The following ANO3 variants were observed in gnomAD, a reference collection of about 807,000 sequenced individuals.
ANO3 encodes anoctamin 3, also known as anoctamin-3.
ANO3 carries 99 observed loss-of-function variants against 144.8 expected under a neutral mutation model. The ratio of observed to expected loss-of-function variants is 0.68; its 90% CI spans 0.58 to 0.81. The LOEUF (loss-of-function observed/expected upper bound fraction) is 0.81. ANO3 is among the 30% of genes least tolerant of loss of function. ANO3 has a pLI of 0.00. For missense variants in ANO3, 905 were observed against 1,202.2 expected (o/e 0.75, Z 3.66); for synonymous variants, 414 against 392.6 (o/e 1.05, Z -0.64).
chr11:26,338,384 A>C (rs1855250093), intron 1 of ANO3, among the ~76,000 whole-genome samples: 1 of 152,190 alleles, frequency 6.6e-6, no homozygotes, highest in Non-Finnish European at 1.5e-5. Flanking sequence ...CTAAAGGATT[A>C]TAAACGCAGC....
At chr11:26,257,225 A>G (rs1853080325) in intron 1 of ANO3, among the ~76,000 whole-genome samples, 1 of 152,016 alleles carries the variant, frequency 6.6e-6, no homozygotes, top group Non-Finnish European at 1.5e-5. Flanking sequence ...TACACACAAA[A>G]ATCTATTTTT....
At position 26,266,956 on chromosome 11, in the gene ANO3, G is replaced by A. The variant is rs1429500158; in HGVS notation, c.155-42689G>A. The stretch of plus-strand genomic sequence containing the variant: ...GAAAAAAAAAAATTAGCCAGGCGTG[G>A]TGGTGGGCACCTGTAGTCCCAGCTA... On this transcript the variant is annotated intron_variant, in intron 1 of 27. Transcript: ENST00000672621. Among the ~76,000 whole-genome samples, 3 of 151,348 alleles carry A rather than the reference G, an allele frequency of 2.0e-5. 1 individual carries two copies. The highest frequency in any genetic ancestry group is 2.1e-4 in the South Asian group (1 of 4,784).
chr11:26,486,631 A>G (rs552856696), intron 4 of ANO3, among the ~76,000 whole-genome samples: 3 of 152,350 alleles, frequency 2.0e-5, no homozygotes, highest in African/African-American at 7.2e-5. Context: ...ACTGCCTTCA[A>G]GGGATTTCTT....
intron 12 of ANO3, among the ~76,000 whole-genome samples, 197 bp downstream of exon 12, chr11:26,547,747 G>A (rs929168650): frequency 6.6e-6 from 1 of 151,446 alleles, no homozygotes; most frequent in Admixed American, 6.6e-5. Flanking sequence ...ACTTTTATTT[G>A]CAAACTATCT....
chr11:26,495,956 C>T (rs573119922), intron 4 of ANO3, among the ~76,000 whole-genome samples: 58 of 152,292 alleles, frequency 3.8e-4, no homozygotes, highest in African/African-American at 1.3e-3. Flanking sequence ...GATGATGATA[C>T]TAAGCAGTTA....
In ANO3 at chr11:26,312,216, T is replaced by C. The variant is rs552972618; in HGVS notation, c.-3+2497T>C. 1.4e-3 allele frequency among the ~76,000 whole-genome samples: 216 copies of C among 152,360 alleles called. 1 individual carries two copies. The highest frequency in any genetic ancestry group is 5.0e-3 in the African/African-American group (206 of 41,588). On this transcript the variant is annotated intron_variant, in intron 1 of 26. Coordinates refer to the ANO3 transcript ENST00000525139. ...TGCATAGTATTCCATGGTGTATATG[T>C]GCCACATTTTCTTAATCCAGTCTAT... is the stretch of plus-strand genomic sequence containing the variant.
chr11:26,416,248 A>T (rs1857582976), intron 1 of ANO3, among the ~76,000 whole-genome samples: 1 of 152,088 alleles, frequency 6.6e-6, no homozygotes, highest in Non-Finnish European at 1.5e-5. Context: ...ATGGACAAAT[A>T]ATGCTAGCAT....
intron 3 of ANO3, among the ~76,000 whole-genome samples, chr11:26,452,566 A>T (rs891628904): frequency 6.6e-6 from 1 of 152,222 alleles, no homozygotes; most frequent in African/African-American, 2.4e-5. Flanking sequence ...GCCTCCAAGA[A>T]ATATGGGACT....
rs188096123 is a variant in ANO3 at position 26,516,538 on chromosome 11, C to T, written c.592-289C>T. 2.8e-4 allele frequency among the ~76,000 whole-genome samples: 42 copies of T among 151,982 alleles called. No individual in the cohort carries two copies. The East Asian group carries it at 8.1e-3, about 29-fold the overall frequency. On this transcript the variant is annotated intron_variant, in intron 5 of 26. Coordinates refer to ENST00000256737, the MANE Select transcript of ANO3 (RefSeq NM_031418.4). ...AAAATAACTTCAGATTTTTAATTGG[C>T]TCATGATTGATTGTTCTGATTGGGG...
At chr11:26,290,002 T>C (rs1853918348) in intron 1 of ANO3, among the ~76,000 whole-genome samples, 1 of 152,076 alleles carries the variant, frequency 6.6e-6, no homozygotes, top group Non-Finnish European at 1.5e-5. Context: ...CTCCTGTTTG[T>C]ACCTCTGGTA....
intron 1 of ANO3, 59 bp from the exon 2 acceptor site, chr11:26,441,859 T>G: frequency 7.5e-7 from 1 of 1,329,878 alleles, no homozygotes. Flanking sequence ...ATTAAAACTT[T>G]TTATTGACCT....
At chr11:26,329,327 C>CACACACACACAG (rs1476384143), upstream of ANO3, among the ~76,000 whole-genome samples, 1 of 110,374 alleles carries the variant, frequency 9.1e-6, no homozygotes, top group African/African-American at 3.7e-5. Context: ...CACACACACA[C>CACACACACACAG]AGAGAGAGAG....
intron 14 of ANO3, among the ~76,000 whole-genome samples, chr11:26,564,680 TACTCATATATATAC>T (rs1372658272): frequency 1.6e-5 from 2 of 125,474 alleles, no homozygotes; most frequent in Non-Finnish European, 3.4e-5. Context: ...CATATATATA[TACTCATATATATAC>T]ACACACACAC....
rs1481073429 is a variant in ANO3, at chr11:26,537,431, C to T, written c.1002C>T (p.Gly334=). 1.2e-6 allele frequency: 2 copies of T among 1,613,704 alleles called. No homozygotes were observed. Among genetic ancestry groups the T allele is most frequent in the East Asian group, 4.5e-5 (2 of 44,896 alleles). The change falls in exon 10 of 27, where the codon GGC becomes GGT. Residue 334 remains glycine (G), a synonymous_variant. Transcript: ENST00000256737. ...KVGIRKLINN[G]SYIAAFPPHE... is the part of the protein sequence containing the mutation. ...GTATCCGTAAACTTATAAACAATGG[C>T]TCATACATAGCAGCGTTTCCACCAC...
chr11:26,283,544 C>G (rs34411356), intron 1 of ANO3, among the ~76,000 whole-genome samples: 1 of 151,304 alleles, frequency 6.6e-6, no homozygotes, highest in Non-Finnish European at 1.5e-5. Flanking sequence ...TAATCACGAC[C>G]AGAACTGAGA....
chr11:26,253,977 G>T (rs1418729557), intron 1 of ANO3, among the ~76,000 whole-genome samples: 1 of 152,096 alleles, frequency 6.6e-6, no homozygotes, highest in Non-Finnish European at 1.5e-5. Flanking sequence ...AAACAAGAAG[G>T]CATGCTCAAC....
chr11:26,288,545 A>T (rs569872488), intron 1 of ANO3, among the ~76,000 whole-genome samples: 2 of 152,146 alleles, frequency 1.3e-5, no homozygotes, highest in African/African-American at 4.8e-5. Context: ...TTTAGCTTCA[A>T]TGATAATGAA....
chr11:26,271,630 T>A (rs1416454242), intron 1 of ANO3, among the ~76,000 whole-genome samples: 1 of 152,118 alleles, frequency 6.6e-6, no homozygotes, highest in Non-Finnish European at 1.5e-5. Flanking sequence ...AATTAATAAT[T>A]TAGAGGTATA....
rs921039011 is a variant in ANO3 at position 26,563,407 on chromosome 11, G to C, written c.1447+3628G>C. 355 of 586,728 alleles carry C rather than the reference G, an allele frequency of 6.1e-4. 1 individual carries two copies. The highest frequency in any genetic ancestry group is 4.6e-3 in the African/African-American group (234 of 50,572). 36.3% of individuals were successfully genotyped at this position (586,728 alleles called of 1,614,324 possible). On this transcript the variant is annotated intron_variant, in intron 14 of 26. Coordinates refer to ENST00000256737, the MANE Select transcript of ANO3 (RefSeq NM_031418.4). Reference sequence around the variant, plus strand: ...TGTGTTTCTCTCTCTGTGTGTGTGTGTGTGTGTGTGTGTGTGTGTGTGTGT... The same window carrying C: ...TGTGTTTCTCTCTCTGTGTGTGTGTCTGTGTGTGTGTGTGTGTGTGTGTGT...
Sources: allele counts gnomAD v4.1 joint callset (sites outside exome capture counted in the v4.1 genomes callset), GRCh38; gene constraint gnomAD v4.1.1; transcripts MANE v1.5; gene names NCBI Gene and HGNC (gene_info 2026-07-23, HGNC 2026-07-21).